The following ZNRF3 variants were observed in gnomAD, a reference collection of about 807,000 sequenced individuals.
The protein encoded by ZNRF3 is E3 ubiquitin-protein ligase ZNRF3.
Under a neutral mutation model 72.5 loss-of-function variants are expected in ZNRF3, and 23 were observed. The observed-to-expected ratio is 0.32, with a 90% confidence interval of 0.23 to 0.45. The LOEUF (loss-of-function observed/expected upper bound fraction) is 0.45, where lower values mean the gene tolerates loss of function less well. ZNRF3 is among the 20% of genes least tolerant of loss of function. The pLI, the probability that ZNRF3 is intolerant of heterozygous loss-of-function variation, is 1.00. For missense variants in ZNRF3, 1,169 were observed against 1,272.1 expected (o/e 0.92, Z 1.23); for synonymous variants, 610 against 545.3 (o/e 1.12, Z -1.65).
intron 1 of ZNRF3, among the ~76,000 whole-genome samples, chr22:28,898,336 A>G (rs1385970068): frequency 1.3e-5 from 2 of 152,104 alleles, no homozygotes; most frequent in African/African-American, 2.4e-5. Context: ...GATTATTCCA[A>G]ATAGTTGGGA....
At chr22:28,931,855 T>C (rs1488115876) in intron 1 of ZNRF3, among the ~76,000 whole-genome samples, 1 of 152,210 alleles carries the variant, frequency 6.6e-6, no homozygotes, top group Non-Finnish European at 1.5e-5. Flanking sequence ...GTAAAGAGAA[T>C]ATGTGAGTAA....
At chr22:28,884,113 G>T in intron 1 of ZNRF3, 47 bp downstream of exon 1, 1 of 1,078,692 alleles carries the variant, frequency 9.3e-7, no homozygotes, top group Non-Finnish European at 1.1e-6. Context: ...CCACAAGATG[G>T]CTCCGGGGGC....
Position 29,030,595 on chromosome 22 carries a change from A to G in ZNRF3, c.427-11900A>G, listed in dbSNP as rs1305740835. Reference sequence around the variant, plus strand: ...AATGACTTTAATTATGGCGAGAAATATCTTCTCCCGGTGGGGAGGGGCGCG... The same window carrying G: ...AATGACTTTAATTATGGCGAGAAATGTCTTCTCCCGGTGGGGAGGGGCGCG... On this transcript the variant is annotated intron_variant, in intron 2 of 8. Transcript: ENST00000544604. The surrounding 1 kb of genome is among the most constrained non-coding windows in gnomAD (Gnocchi z 4.2). 6.6e-6 allele frequency among the ~76,000 whole-genome samples: 1 copy of G among 151,722 alleles called. No individual in the cohort carries two copies. The highest frequency in any genetic ancestry group is 1.5e-5 in the Non-Finnish European group (1 of 67,994).
intron 2 of ZNRF3, among the ~76,000 whole-genome samples, chr22:28,995,160 G>C (rs965201398): frequency 6.6e-6 from 1 of 152,232 alleles, no homozygotes; most frequent in Admixed American, 6.5e-5. Context: ...AAGGCTGGGC[G>C]GGGTGGCTCA....
rs1281130211 is a variant in ZNRF3, at chr22:28,937,191, ATATATATATATATATATATATATATT to A, written c.301-49883_301-49858del. On this transcript the variant is annotated intron_variant, in intron 1 of 8. Transcript: ENST00000544604. ...TCTCTTATAATATATATATATATAT[ATATATATATATATATATATATATATT>A]TTTTTTTTTTTTTTTTTTTTTAACA... 1.8e-3 allele frequency among the ~76,000 whole-genome samples: 10 copies of A among 5,408 alleles called. 1 individual carries two copies. Among genetic ancestry groups the A allele is most frequent in the African/African-American group, 2.2e-3 (9 of 4,130 alleles). 3.5% of individuals were successfully genotyped at this position (5,408 alleles called of 152,430 possible). A position where few individuals can be genotyped will look rare whatever the true frequency, so the allele number is the denominator to read the frequency against.
intron 1 of ZNRF3, among the ~76,000 whole-genome samples, chr22:28,909,087 G>A (rs2034267391): frequency 6.6e-6 from 1 of 151,902 alleles, no homozygotes; most frequent in African/African-American, 2.4e-5. Context: ...GTGTATTTTA[G>A]TAGAGACAGG....
intron 1 of ZNRF3, among the ~76,000 whole-genome samples, chr22:28,918,215 G>T (rs1358241072): frequency 2.6e-5 from 4 of 152,188 alleles, no homozygotes; most frequent in African/African-American, 9.7e-5. Flanking sequence ...CCCTTTTAGG[G>T]TTAACTTCTC....
rs1174650478 is a variant in ZNRF3 at position 29,054,029 on chromosome 22, G to C, written c.*407G>C. 6.4e-6 allele frequency: 1 copy of C among 157,096 alleles called. No individual in the cohort carries two copies. Among genetic ancestry groups the C allele is most frequent in the African/African-American group, 2.4e-5 (1 of 41,480 alleles). 9.7% of individuals were successfully genotyped at this position (157,096 alleles called of 1,614,324 possible). A position where few individuals can be genotyped will look rare whatever the true frequency, so the allele number is the denominator to read the frequency against. On this transcript the variant is annotated 3_prime_UTR_variant, in exon 9 of 9. Coordinates refer to ENST00000544604, the MANE Select transcript of ZNRF3 (RefSeq NM_001206998.2). ...TGAAAAAGAAAAAAAAATCACTGCT[G>C]CATTAAATGAACCACATCATGTGTA...
intron 2 of ZNRF3, among the ~76,000 whole-genome samples, chr22:28,995,867 C>G (rs1357411466): frequency 1.3e-5 from 2 of 152,008 alleles, no homozygotes; most frequent in Non-Finnish European, 2.9e-5. Flanking sequence ...CCTCTGTGCC[C>G]CAGGCTCAGG....
At chr22:28,919,694 G>T (rs888897445) in intron 1 of ZNRF3, among the ~76,000 whole-genome samples, 3 of 151,360 alleles carry the variant, frequency 2.0e-5, no homozygotes, top group Non-Finnish European at 2.9e-5. Flanking sequence ...TTTAGTAGAG[G>T]TGGGGTTTCA....
chr22:29,042,701 ATGTT>A, intron 3 of ZNRF3, 132 bp downstream of exon 3: 5 of 788,752 alleles, frequency 6.3e-6, no homozygotes, highest in Non-Finnish European at 1.0e-5. Flanking sequence ...TTAGGTGTCC[ATGTT>A]TGGACATAAT....
chr22:28,965,619 T>C (rs2035445717), intron 1 of ZNRF3, among the ~76,000 whole-genome samples: 1 of 152,156 alleles, frequency 6.6e-6, no homozygotes, highest in Non-Finnish European at 1.5e-5. Flanking sequence ...GTCTCCTATA[T>C]CTTAGTATCA....
At chr22:28,994,465 A>G (rs1393584070) in intron 2 of ZNRF3, among the ~76,000 whole-genome samples, 1 of 152,004 alleles carries the variant, frequency 6.6e-6, no homozygotes, top group Admixed American at 6.6e-5. Flanking sequence ...CTGGGATTAC[A>G]GGCATGAGCC....
chr22:28,984,715 A>G (rs2035823365), intron 1 of ZNRF3, among the ~76,000 whole-genome samples: 1 of 152,186 alleles, frequency 6.6e-6, no homozygotes, highest in African/African-American at 2.4e-5. Context: ...AGCTGTTGAC[A>G]TAATTGGCTC....
intron 2 of ZNRF3, among the ~76,000 whole-genome samples, chr22:29,023,059 T>C (rs1405569386): frequency 6.6e-6 from 1 of 152,214 alleles, no homozygotes; most frequent in Non-Finnish European, 1.5e-5. Context: ...TTTCCTTAAA[T>C]GCTTGGCTTC....
intron 1 of ZNRF3, among the ~76,000 whole-genome samples, chr22:28,918,144 A>G (rs946443218): frequency 9.9e-5 from 15 of 151,646 alleles, no homozygotes; most frequent in Non-Finnish European, 1.3e-4. Flanking sequence ...AAGTGTGGGG[A>G]CTCAAATGCC....
At chr22:28,914,991 C>G (rs1426473861) in intron 1 of ZNRF3, among the ~76,000 whole-genome samples, 2 of 152,106 alleles carry the variant, frequency 1.3e-5, no homozygotes, top group Non-Finnish European at 2.9e-5. Context: ...TGTCATACCC[C>G]CAAACCCCAG....
chr22:28,940,944 T>C (rs751789056), intron 1 of ZNRF3, among the ~76,000 whole-genome samples: 1 of 152,218 alleles, frequency 6.6e-6, no homozygotes, highest in Non-Finnish European at 1.5e-5. Flanking sequence ...TTTAAGCACT[T>C]TGATCACCCT....
chr22:28,976,731 T>C (rs543798786), intron 1 of ZNRF3, among the ~76,000 whole-genome samples: 6 of 152,214 alleles, frequency 3.9e-5, no homozygotes, highest in Non-Finnish European at 7.3e-5. Flanking sequence ...TGTGAGTGAA[T>C]TTCTGTGTAG....
Sources: allele counts gnomAD v4.1 joint callset (sites outside exome capture counted in the v4.1 genomes callset), GRCh38; gene constraint gnomAD v4.1.1; non-coding constraint Gnocchi (gnomAD v3.1); transcripts MANE v1.5; gene names NCBI Gene and HGNC (gene_info 2026-07-23, HGNC 2026-07-21).